The following RRN3 variants were observed in gnomAD, a reference collection of about 807,000 sequenced individuals.
RRN3 encodes RNA polymerase I transcription factor RRN3, also known as RNA polymerase I-specific transcription initiation factor RRN3.
Under a neutral mutation model 82.3 loss-of-function variants are expected in RRN3, and 38 were observed. That is an observed-to-expected ratio of 0.46 (90% CI 0.36 to 0.61). The LOEUF is 0.61. Ranked by LOEUF, RRN3 falls within the 20% of genes least tolerant of loss-of-function variation. RRN3 has a pLI of 0.00. For missense variants in RRN3, 726 were observed against 793.1 expected (o/e 0.92, Z 1.02); for synonymous variants, 284 against 284.3 (o/e 1.00, Z 0.01).
At chr16:15,066,159 C>G (rs1308358511) in intron 15 of RRN3, among the ~76,000 whole-genome samples, 1 of 152,158 alleles carries the variant, frequency 6.6e-6, no homozygotes, top group African/African-American at 2.4e-5. Context: ...CCAAGGCTCA[C>G]AGCACTTGAC....
At chr16:15,068,588 G>A (rs900885455) in intron 14 of RRN3, among the ~76,000 whole-genome samples, 8 of 152,226 alleles carry the variant, frequency 5.3e-5, no homozygotes, top group African/African-American at 1.9e-4. Context: ...AGATAATACA[G>A]AGGGAGAAAA....
chr16:15,064,895 G>A (rs1417954863), intron 16 of RRN3, among the ~76,000 whole-genome samples: 6 of 152,176 alleles, frequency 3.9e-5, no homozygotes, highest in East Asian at 1.9e-4. Context: ...GGCCGGGCGC[G>A]GTGGCTCACG....
rs2046179789 is a variant in RRN3, at chr16:15,092,578, G to C, written c.126C>G (p.Phe42Leu). 6.2e-7 allele frequency: 1 copy of C among 1,613,184 alleles called. No homozygotes were observed. The highest frequency in any genetic ancestry group is 8.5e-7 in the Non-Finnish European group (1 of 1,179,278). ...GAACAGTTTTTCTTGGGGGAGAATT[G>C]AAAAAGTCATTCTCTAATGCACGCA... is the stretch of plus-strand genomic sequence containing the variant. ...SNMRALENDF[F>L]NSPPRKTVRF... Residue 42 changes from phenylalanine (F) to leucine (L), a missense_variant, in exon 2 of 18, where the codon TTC becomes TTG. Phe to Leu is a conservative substitution (Grantham distance 22). Coordinates refer to ENST00000198767, the MANE Select transcript of RRN3 (RefSeq NM_018427.5).
At chr16:15,063,966 T>C (rs62039510) in intron 16 of RRN3, among the ~76,000 whole-genome samples, 4,628 of 152,264 alleles carry the variant, frequency 0.03, 86 homozygotes, top group Admixed American at 0.041. Context: ...CTGTAGTAAT[T>C]TGCTGAAAAG....
intron 8 of RRN3, among the ~76,000 whole-genome samples, chr16:15,083,201 C>T (rs2045775015): frequency 6.6e-6 from 1 of 152,140 alleles, no homozygotes; most frequent in African/African-American, 2.4e-5. Flanking sequence ...GCGTTCGATA[C>T]CAGTGTGGCC....
chr16:15,063,669 C>T (rs1350032499), intron 16 of RRN3, among the ~76,000 whole-genome samples: 1 of 136,308 alleles, frequency 7.3e-6, no homozygotes. Context: ...CGCGCCACTG[C>T]ACTCCAGCCT....
chr16:15,094,249 C>G lies in RRN3; in HGVS notation c.-16G>C. On this transcript the variant is annotated 5_prime_UTR_variant, in exon 1 of 18. Transcript: ENST00000198767. ...GTGCCGCCATTGGGCCGAACTAACG[C>G]GACCGCTGCGCCTCAGGCCGGATGC... is the stretch of plus-strand genomic sequence containing the variant. The G allele has an allele frequency of 6.4e-7, 1 of 1,556,322 alleles. No homozygotes were observed. The highest frequency in any genetic ancestry group is 1.4e-5 in the African/African-American group (1 of 73,890).
intron 1 of RRN3, among the ~76,000 whole-genome samples, chr16:15,093,778 A>G (rs1324928602): frequency 1.3e-5 from 2 of 152,196 alleles, no homozygotes; most frequent in Admixed American, 6.5e-5. Context: ...TCAATTTGCC[A>G]TGAGTGACGA....
In RRN3 at chr16:15,075,621, G is replaced by C. The variant is rs576044706; in HGVS notation, c.859-760C>G. ...AGAAAGAAATGCAGACACCTTTCCA[G>C]GCAGGGGTCTCATTCAGGGATGTGA... is the stretch of plus-strand genomic sequence containing the variant. On this transcript the variant is annotated intron_variant, in intron 10 of 17. Transcript: ENST00000198767. Among the ~76,000 whole-genome samples, 177 of 152,194 alleles carry C rather than the reference G, an allele frequency of 1.2e-3. 1 individual carries two copies. Among genetic ancestry groups the C allele is most frequent in the African/African-American group, 4.0e-3 (167 of 41,502 alleles).
chr16:15,065,245 G>T lies in RRN3; in HGVS notation c.1680C>A (p.Phe560Leu). ...TCTTCAGCACACAGGGATCAAAGGG[G>T]AAGAAGGTGTCCAGCGGGTTTGTGC... is the stretch of plus-strand genomic sequence containing the variant. Reference protein sequence around the residue: ...QICTNPLDTFFPFDPCVLKRS... With the variant: ...QICTNPLDTFLPFDPCVLKRS... The change falls in exon 16 of 18, where the codon TTC becomes TTA. Residue 560 changes from phenylalanine to leucine, a missense_variant. Around this residue, in one of 4 missense-constraint regions of RRN3, gnomAD observed 166 missense variants for 154.8 expected, o/e 1.07. Transcript: ENST00000198767. 1 of 1,613,848 alleles carries T rather than the reference G, an allele frequency of 6.2e-7. No individual in the cohort carries two copies. The highest frequency in any genetic ancestry group is 1.1e-5 in the South Asian group (1 of 91,080).
At chr16:15,083,179 T>G (rs1045750378) in intron 8 of RRN3, among the ~76,000 whole-genome samples, 1 of 152,184 alleles carries the variant, frequency 6.6e-6, no homozygotes, top group African/African-American at 2.4e-5. Flanking sequence ...GGCAGGCAGA[T>G]CACAAGGTCA....
intron 1 of RRN3, among the ~76,000 whole-genome samples, chr16:15,093,647 ACT>A (rs1280299077): frequency 3.9e-5 from 6 of 152,340 alleles, no homozygotes; most frequent in African/African-American, 1.4e-4. Context: ...CATCCTAATG[ACT>A]CTGAAAGTTA....
At chr16:15,075,613 C>T (rs1187214326) in intron 10 of RRN3, among the ~76,000 whole-genome samples, 7 of 151,996 alleles carry the variant, frequency 4.6e-5, no homozygotes, top group Non-Finnish European at 1.0e-4. Flanking sequence ...AATGCAGACA[C>T]CTTTCCAGGC....
intron 10 of RRN3, among the ~76,000 whole-genome samples, chr16:15,075,864 T>G (rs754019154): frequency 6.8e-4 from 104 of 152,058 alleles, no homozygotes; most frequent in Middle Eastern, 3.2e-3. Context: ...TGGCGGCCAA[T>G]AGCTCACAGC....
chr16:15,065,081 G>A (rs1359665593), intron 16 of RRN3, 138 bp downstream of exon 16: 3 of 785,868 alleles, frequency 3.8e-6, no homozygotes, highest in Non-Finnish European at 6.1e-6. Flanking sequence ...CAGGAGAATG[G>A]TGTGAACCCG....
chr16:15,072,849 G>C, intron 12 of RRN3, 101 bp downstream of exon 12: 2 of 1,203,932 alleles, frequency 1.7e-6, no homozygotes, highest in East Asian at 2.4e-5. Context: ...TCAAAGAAAA[G>C]AATTATTTAC....
At chr16:15,088,252 G>A (rs2045986456) in intron 3 of RRN3, among the ~76,000 whole-genome samples, 1 of 152,192 alleles carries the variant, frequency 6.6e-6, no homozygotes, top group South Asian at 2.1e-4. Flanking sequence ...GGCAGGAGGA[G>A]ACTGCTTGAG....
chr16:15,062,004 G>T, intron 17 of RRN3, 99 bp from the exon 18 acceptor site: 1 of 1,193,282 alleles, frequency 8.4e-7, no homozygotes, highest in Non-Finnish European at 1.2e-6. Flanking sequence ...TGTAAAGATG[G>T]TGAAGAAAAT....
At chr16:15,073,984 G>C (rs1294608711) in intron 11 of RRN3, among the ~76,000 whole-genome samples, 1 of 152,134 alleles carries the variant, frequency 6.6e-6, no homozygotes, top group Non-Finnish European at 1.5e-5. Flanking sequence ...CTTGTGTTTA[G>C]TGTGACACCC....
Sources: gnomAD v4.1 joint callset for allele counts (sites outside exome capture counted in the v4.1 genomes callset) on GRCh38, gnomAD v4.1.1 for gene constraint, gnomAD v4.1.1 regional missense constraint, MANE v1.5 for transcripts, NCBI Gene and HGNC (gene_info 2026-07-23, HGNC 2026-07-21) for gene names.